The following APBB1 variants were observed in gnomAD, a reference collection of about 807,000 sequenced individuals.
APBB1 encodes the protein amyloid beta precursor protein binding family B member 1, also known as adaptor protein FE65a2.
In APBB1, 22 loss-of-function variants were observed where a neutral mutation model predicts 78.4. The observed-to-expected ratio is 0.28, with a 90% CI of 0.20 to 0.40. APBB1 has a LOEUF of 0.40. Ranked by LOEUF, APBB1 falls within the 10% of genes least tolerant of loss-of-function variation. APBB1 has a pLI of 1.00. For synonymous variants in APBB1, 369 were observed against 372.7 expected, an observed-to-expected ratio of 0.99 and a Z score of 0.12; for missense variants, 749 against 932.4, an observed-to-expected ratio of 0.80 and a Z score of 2.56.
intron 12 of APBB1, among the ~76,000 whole-genome samples, chr11:6,400,272 G>T (rs1848433944): frequency 6.6e-6 from 1 of 152,220 alleles, no homozygotes; most frequent in Non-Finnish European, 1.5e-5. Context: ...CAGGCACAGT[G>T]GCTCACGCCT....
intron 1 of APBB1, among the ~76,000 whole-genome samples, chr11:6,417,797 C>T (rs548292967): frequency 1.3e-5 from 2 of 152,340 alleles, no homozygotes; most frequent in South Asian, 4.1e-4. Flanking sequence ...AAGTCTTGCT[C>T]ATGACTCCAG....
Position 6,395,754 on chromosome 11 carries a change from GCCA to G in APBB1, c.1965+29_1965+31del, listed in dbSNP as rs751108106. 3.1e-6 allele frequency: 5 copies of G among 1,605,644 alleles called. No individual in the cohort carries two copies. Among genetic ancestry groups the G allele is most frequent in the African/African-American group, 2.7e-5 (2 of 73,066 alleles). On this transcript the variant is annotated intron_variant, in intron 14 of 14. Coordinates refer to ENST00000609360, the MANE Select transcript of APBB1 (RefSeq NM_001164.5). This position sits in a 1 kb window ranked among gnomAD's most constrained non-coding sequence, Gnocchi z 5.2. ...CCCAGCCTACCTCCCATGGGGCCAC[GCCA>G]CCACCACACCACCCTACTAGTAGCT... is the stretch of plus-strand genomic sequence containing the variant.
In APBB1 at chr11:6,396,097, T is replaced by C; in HGVS notation, c.1788+3A>G. 1 of 1,570,416 alleles carries C rather than the reference T, an allele frequency of 6.4e-7. No individual in the cohort carries two copies. The highest frequency in any genetic ancestry group is 8.6e-7 in the Non-Finnish European group (1 of 1,158,308). On this transcript the variant is annotated splice_donor_region_variant and intron_variant, in intron 13 of 14. Coordinates refer to ENST00000609360, the MANE Select transcript of APBB1 (RefSeq NM_001164.5). ...AGCCACGACTTCTACCCCAGCTCTT[T>C]ACCTGCTGGTGCAAGATGGTGAGGG...
At position 6,400,371 on chromosome 11, in the gene APBB1, G is replaced by A. The variant is rs1985045; in HGVS notation, c.1672+618C>T. 5.1e-3 allele frequency among the ~76,000 whole-genome samples: 768 copies of A among 152,060 alleles called. 5 individuals carry two copies. Among genetic ancestry groups the A allele is most frequent in the African/African-American group, 0.018 (745 of 41,478 alleles). On this transcript the variant is annotated intron_variant, in intron 12 of 14. Transcript: ENST00000609360. ...GCCCTGGCCAACACAGTGAAACCCC[G>A]TCTCCACTAAACATACAAAAATTAA...
intron 2 of APBB1, among the ~76,000 whole-genome samples, chr11:6,409,170 G>C (rs941346613): frequency 1.3e-5 from 2 of 152,092 alleles, no homozygotes; most frequent in South Asian, 4.2e-4. Context: ...TCTTGGGTTC[G>C]GATGATCCTC....
At chr11:6,418,297 C>T (rs1049544322) in intron 1 of APBB1, among the ~76,000 whole-genome samples, 2 of 152,114 alleles carry the variant, frequency 1.3e-5, no homozygotes, top group African/African-American at 4.8e-5. Flanking sequence ...TCTCCGGTGA[C>T]CTTGGCCTAG....
chr11:6,402,508 C>T, intron 7 of APBB1, 68 bp downstream of exon 7: 4 of 1,525,604 alleles, frequency 2.6e-6, no homozygotes, highest in African/African-American at 1.4e-5. Context: ...CAGGTCAGAC[C>T]TCCCATCTCT....
At chr11:6,407,529 C>CT (rs1218137962) in intron 2 of APBB1, among the ~76,000 whole-genome samples, 3 of 152,202 alleles carry the variant, frequency 2.0e-5, no homozygotes, top group African/African-American at 7.2e-5. Context: ...CTGCACAGTG[C>CT]TTTTTAAAAA....
rs368805217 is a variant in APBB1, at chr11:6,402,713, G to A, written c.1117C>T (p.Arg373Cys). The A allele has an allele frequency of 7.9e-5, 127 of 1,613,956 alleles. No individual in the cohort carries two copies. Among genetic ancestry groups the A allele is most frequent in the Non-Finnish European group, 9.8e-5 (116 of 1,179,988 alleles). Reference sequence around the variant, plus strand: ...GTCATCTCTACCCAGCCTAGGGAGCGCACGGCGAAACACTGCCAGACACAG... The same window carrying A: ...GTCATCTCTACCCAGCCTAGGGAGCACACGGCGAAACACTGCCAGACACAG... The part of the protein sequence containing the change: ...TNPGIKCFAV[R>C]SLGWVEMTEE... The change falls in exon 7 of 15, where the codon CGC (arginine) becomes TGC (cysteine). Residue 373 changes from arginine (R) to cysteine (C), a missense_variant. By Grantham distance (180) the Arg-to-Cys change is radical. Transcript: ENST00000609360.
At chr11:6,404,737 C>T (rs775203227) in intron 2 of APBB1, 23 of 1,536,340 alleles carry the variant, frequency 1.5e-5, no homozygotes, top group Non-Finnish European at 2.0e-5. Flanking sequence ...CCTCATGCTG[C>T]CCCTCACCTG....
intron 1 of APBB1, among the ~76,000 whole-genome samples, chr11:6,412,821 G>C (rs1279701893): frequency 6.6e-6 from 1 of 152,094 alleles, no homozygotes; most frequent in Non-Finnish European, 1.5e-5. Context: ...AAAACACTTT[G>C]GTTACGTTAC....
intron 1 of APBB1, among the ~76,000 whole-genome samples, chr11:6,413,774 T>C (rs148948181): frequency 1.5e-3 from 235 of 152,088 alleles, no homozygotes; most frequent in East Asian, 0.014. Context: ...CCCGGCCCCA[T>C]AGCTCACCTT....
At chr11:6,419,402 G>A (rs1222839563), upstream of APBB1, 3 of 174,650 alleles carry the variant, frequency 1.7e-5, no homozygotes, top group Non-Finnish European at 3.6e-5. Context: ...GCGCGGACGG[G>A]GCTGGAGCCC....
In APBB1 at chr11:6,403,542, G is replaced by A; in HGVS notation, c.900C>T (p.Leu300=). Residue 300 remains leucine (L), a splice_region_variant and synonymous_variant, in exon 4 of 15, where the codon CTC becomes CTT. Transcript: ENST00000609360. The surrounding 1 kb of genome is among the most constrained non-coding windows in gnomAD (Gnocchi z 5.3). ...CTCCATGAGCAAAACCTGTCCAGGT[G>A]AGCTAGGAGGAGGGATGGGAGTAGT... ...QGSSPQEESQ[L]TWTGFAHGEG... 6.2e-7 allele frequency: 1 copy of A among 1,614,218 alleles called. No homozygotes were observed. Among genetic ancestry groups the A allele is most frequent in the Non-Finnish European group, 8.5e-7 (1 of 1,180,032 alleles).
intron 2 of APBB1, among the ~76,000 whole-genome samples, chr11:6,409,566 G>C (rs184903587): frequency 6.6e-6 from 1 of 152,014 alleles, no homozygotes; most frequent in Non-Finnish European, 1.5e-5. Context: ...TGAGTTTTTC[G>C]AAAGGGGATG....
Position 6,395,769 on chromosome 11 carries a change from C to T in APBB1, c.1965+17G>A, listed in dbSNP as rs1177340192. 5.0e-6 allele frequency: 8 copies of T among 1,607,308 alleles called. No individual in the cohort carries two copies. The highest frequency in any genetic ancestry group is 6.8e-6 in the Non-Finnish European group (8 of 1,177,566). On this transcript the variant is annotated intron_variant, in intron 14 of 14. Coordinates refer to ENST00000609360, the MANE Select transcript of APBB1 (RefSeq NM_001164.5). This position sits in a 1 kb window ranked among gnomAD's most constrained non-coding sequence, Gnocchi z 5.2. Reference sequence around the variant, plus strand: ...ATGGGGCCACGCCACCACCACACCACCCTACTAGTAGCTTACCATGCACGC... The same window carrying T: ...ATGGGGCCACGCCACCACCACACCATCCTACTAGTAGCTTACCATGCACGC...
intron 2 of APBB1, chr11:6,405,672 C>T (rs2010991175): frequency 1.0e-6 from 1 of 985,620 alleles, no homozygotes; most frequent in South Asian, 4.7e-5. Flanking sequence ...GACGTGGGCC[C>T]ACAGACACCC....
rs369980315 is a variant in APBB1 at position 6,403,281 on chromosome 11, T to C, written c.1040+38A>G. The C allele has an allele frequency of 6.2e-7, 1 of 1,612,626 alleles. No individual in the cohort carries two copies. Among genetic ancestry groups the C allele is most frequent in the Non-Finnish European group, 8.5e-7 (1 of 1,179,160 alleles). On this transcript the variant is annotated intron_variant, in intron 5 of 14. Transcript: ENST00000609360. The surrounding 1 kb of genome is among the most constrained non-coding windows in gnomAD (Gnocchi z 5.3). ...TGTCCCAAGGCCCCTTCCAGACAGATCCATCCCACTGCCAGCTCACTGCAT... is the reference window on the plus strand; with the variant it reads ...TGTCCCAAGGCCCCTTCCAGACAGACCCATCCCACTGCCAGCTCACTGCAT...
chr11:6,416,345 T>G (rs923939107), intron 1 of APBB1, among the ~76,000 whole-genome samples: 15 of 152,200 alleles, frequency 9.9e-5, no homozygotes, highest in African/African-American at 3.6e-4. Flanking sequence ...CATCCTATAA[T>G]CAGTATAAGT....
Sources: allele counts gnomAD v4.1 joint callset (sites outside exome capture counted in the v4.1 genomes callset), GRCh38; gene constraint gnomAD v4.1.1; non-coding constraint Gnocchi (gnomAD v3.1); transcripts MANE v1.5; gene names NCBI Gene and HGNC (gene_info 2026-07-23, HGNC 2026-07-21).